MAGI2: variants seen among roughly 807,000 people sequenced by gnomAD.
MAGI2 encodes the protein membrane-associated guanylate kinase, WW and PDZ domain-containing protein 2.
MAGI2 carries 35 observed loss-of-function variants against 133.3 expected under a neutral mutation model. The observed-to-expected ratio is 0.26, with a 90% CI of 0.20 to 0.35. MAGI2 has a LOEUF of 0.35. MAGI2 is among the 10% of genes least tolerant of loss of function. MAGI2 has a pLI of 1.00. For synonymous variants in MAGI2, 729 were observed against 710.6 expected (o/e 1.03, Z -0.41); for missense variants, 1,636 against 1,863.4 (o/e 0.88, Z 2.25).
chr7:78,862,225 C>G (rs1794206930), intron 2 of MAGI2, among the ~76,000 whole-genome samples: 2 of 152,116 alleles, frequency 1.3e-5, no homozygotes, highest in Admixed American at 6.6e-5. Flanking sequence ...CAACAGAGTG[C>G]TTAGAATATA....
chr7:79,315,060 C>T (rs1838597824), intron 1 of MAGI2, among the ~76,000 whole-genome samples: 1 of 151,976 alleles, frequency 6.6e-6, no homozygotes, highest in Non-Finnish European at 1.5e-5. Flanking sequence ...ACATGCAATG[C>T]AAAGTTTACT....
intron 2 of MAGI2, among the ~76,000 whole-genome samples, chr7:78,893,649 A>C (rs945446522): frequency 1.3e-5 from 2 of 151,610 alleles, no homozygotes; most frequent in Admixed American, 6.6e-5. Context: ...CAAACACCAC[A>C]TGTTCTCACT....
chr7:78,345,863 G>A, intron 8 of MAGI2, 59 bp downstream of exon 8: 1 of 1,600,398 alleles, frequency 6.2e-7, no homozygotes. Flanking sequence ...ATTTGGAAGA[G>A]CAGGCAGTTT....
chr7:79,372,748 A>G (rs1026649460), intron 1 of MAGI2, among the ~76,000 whole-genome samples: 2 of 152,040 alleles, frequency 1.3e-5, no homozygotes, highest in African/African-American at 4.8e-5. Flanking sequence ...TATTTTGACT[A>G]TAACTAAATA....
At chr7:78,091,365 A>G (rs1374741275) in intron 20 of MAGI2, among the ~76,000 whole-genome samples, 1 of 152,142 alleles carries the variant, frequency 6.6e-6, no homozygotes, top group Non-Finnish European at 1.5e-5. Context: ...GTGAGGACAC[A>G]AGAACGTTTA....
At chr7:78,764,824 C>T (rs1824847704) in intron 2 of MAGI2, among the ~76,000 whole-genome samples, 1 of 152,204 alleles carries the variant, frequency 6.6e-6, no homozygotes, top group Non-Finnish European at 1.5e-5. Flanking sequence ...TATTAATAAG[C>T]AGAGTGCTAA....
chr7:78,538,475 A>C (rs1335427270), intron 3 of MAGI2, among the ~76,000 whole-genome samples: 2 of 152,238 alleles, frequency 1.3e-5, no homozygotes, highest in Middle Eastern at 6.3e-3. Context: ...ATGTGTCTCC[A>C]TTCATTTGTG....
At chr7:78,592,828 C>CTTTTTTTTTTTTT (rs10675572) in intron 3 of MAGI2, among the ~76,000 whole-genome samples, 2 of 106,874 alleles carry the variant, frequency 1.9e-5, no homozygotes, top group Non-Finnish European at 3.5e-5. Context: ...TACTGATTCT[C>CTTTTTTTTTTTTT]TTTTTTTTTT....
intron 6 of MAGI2, among the ~76,000 whole-genome samples, chr7:78,422,897 A>G (rs1798929581): frequency 6.6e-6 from 1 of 152,224 alleles, no homozygotes; most frequent in African/African-American, 2.4e-5. Context: ...TTGCTCTCCC[A>G]AAGAATCATT....
chr7:79,306,809 A>T (rs1002647124), intron 1 of MAGI2, among the ~76,000 whole-genome samples: 3 of 146,744 alleles, frequency 2.0e-5, no homozygotes, highest in Admixed American at 2.0e-4. Flanking sequence ...CTTTCCTTTG[A>T]TTTCTGAAGA....
At chr7:79,203,305 G>A (rs1002859066) in intron 1 of MAGI2, among the ~76,000 whole-genome samples, 1 of 151,834 alleles carries the variant, frequency 6.6e-6, no homozygotes, top group Non-Finnish European at 1.5e-5. Flanking sequence ...CACAAAGTAG[G>A]TCATTTTACT....
chr7:78,368,274 G>C (rs999984894), intron 7 of MAGI2, among the ~76,000 whole-genome samples: 2 of 152,136 alleles, frequency 1.3e-5, no homozygotes, highest in African/African-American at 2.4e-5. Flanking sequence ...TAGCACTAAA[G>C]CCAACCTGTA....
chr7:78,443,090 C>G (rs1294498603), intron 6 of MAGI2, among the ~76,000 whole-genome samples: 1 of 93,010 alleles, frequency 1.1e-5, no homozygotes, highest in East Asian at 3.3e-4. Flanking sequence ...CTGTGCGTCC[C>G]TTCTTGTTGA....
rs147567944 is a variant in MAGI2 at position 78,431,074 on chromosome 7, C to CTGTGTG, written c.1045+58681_1045+58686dup. 7.2e-3 allele frequency among the ~76,000 whole-genome samples: 1,060 copies of CTGTGTG among 146,504 alleles called. 5 individuals are homozygous for CTGTGTG. The highest frequency in any genetic ancestry group is 0.01 in the Non-Finnish European group (686 of 66,108). On this transcript the variant is annotated intron_variant, in intron 6 of 21. Transcript: ENST00000354212. ...TGCCTGTTGGAATCAGTGAGGTAGGCTGTGTGTGTGTGTGTGTGTGTGTGT... is the reference window on the plus strand; with the variant it reads ...TGCCTGTTGGAATCAGTGAGGTAGGCTGTGTGTGTGTGTGTGTGTGTGTGTGTGTGT...
chr7:78,270,899 A>G (rs1794498778), intron 9 of MAGI2, among the ~76,000 whole-genome samples: 2 of 151,386 alleles, frequency 1.3e-5, no homozygotes, highest in African/African-American at 4.8e-5. Flanking sequence ...AGTATTGCAC[A>G]TAATTGCAAA....
chr7:78,041,168 G>A (rs1394367037), intron 21 of MAGI2, among the ~76,000 whole-genome samples: 3 of 152,174 alleles, frequency 2.0e-5, no homozygotes, highest in Admixed American at 2.0e-4. Flanking sequence ...GTATGCGATG[G>A]AAGGCTCCTT....
At chr7:79,151,296 CA>C (rs1362800817) in intron 1 of MAGI2, among the ~76,000 whole-genome samples, 1 of 151,952 alleles carries the variant, frequency 6.6e-6, no homozygotes, top group East Asian at 1.9e-4. Context: ...ATGTGCTTTA[CA>C]AAAAAATTAG....
chr7:78,382,842 T>A (rs1043356896), intron 6 of MAGI2, among the ~76,000 whole-genome samples: 1 of 152,088 alleles, frequency 6.6e-6, no homozygotes, highest in African/African-American at 2.4e-5. Flanking sequence ...CTCCCACATA[T>A]AACTGAGGAC....
At chr7:78,557,635 G>A (rs1014833963) in intron 3 of MAGI2, among the ~76,000 whole-genome samples, 5 of 152,118 alleles carry the variant, frequency 3.3e-5, no homozygotes, top group East Asian at 1.9e-4. Context: ...AAACTAGAGC[G>A]AAAACTAGAG....
Sources: allele counts gnomAD v4.1 joint callset (sites outside exome capture counted in the v4.1 genomes callset), GRCh38; gene constraint gnomAD v4.1.1; transcripts MANE v1.5; gene names NCBI Gene and HGNC (gene_info 2026-07-23, HGNC 2026-07-21).